LDLRAD4: variants seen among roughly 807,000 people sequenced by gnomAD.
LDLRAD4 encodes low-density lipoprotein receptor class A domain-containing protein 4.
LDLRAD4 carries 5 observed loss-of-function variants against 17.0 expected under a neutral mutation model. The observed-to-expected ratio is 0.29, with a 90% confidence interval of 0.15 to 0.62. LDLRAD4 has a LOEUF of 0.62. LDLRAD4 is among the 20% of genes least tolerant of loss of function. The probability of loss-of-function intolerance (pLI) is 0.84; values close to 1 mark genes in which losing one functional copy is unlikely to be tolerated. For missense variants in LDLRAD4, 340 were observed against 424.7 expected (o/e 0.80, Z 1.75); for synonymous variants, 168 against 171.8 (o/e 0.98, Z 0.17).
At chr18:13,268,345 A>T (rs2044338311) in intron 1 of LDLRAD4, among the ~76,000 whole-genome samples, 1 of 152,024 alleles carries the variant, frequency 6.6e-6, no homozygotes. Context: ...GTTTCATCTG[A>T]GCATCTGAAA....
intron 4 of LDLRAD4, among the ~76,000 whole-genome samples, chr18:13,634,299 A>C (rs550444678): frequency 6.6e-6 from 1 of 152,254 alleles, no homozygotes; most frequent in Admixed American, 6.5e-5. Context: ...ACATGACCTT[A>C]TGTGTAAAAA....
intron 5 of LDLRAD4, among the ~76,000 whole-genome samples, chr18:13,643,986 T>C (rs1262191158): frequency 6.6e-6 from 1 of 152,176 alleles, no homozygotes; most frequent in African/African-American, 2.4e-5. Context: ...TGAGAAGATT[T>C]TGTAAGAAAT....
chr18:13,449,601 G>A (rs550653231), intron 3 of LDLRAD4, among the ~76,000 whole-genome samples: 48 of 152,342 alleles, frequency 3.2e-4, no homozygotes, highest in African/African-American at 1.1e-3. Flanking sequence ...CACCTGTTCC[G>A]GAGAGGGCCC....
At chr18:13,365,202 C>T (rs2083966783) in intron 1 of LDLRAD4, among the ~76,000 whole-genome samples, 1 of 152,212 alleles carries the variant, frequency 6.6e-6, no homozygotes, top group African/African-American at 2.4e-5. Flanking sequence ...TCCTGTATGG[C>T]TACACCGTCC....
intron 1 of LDLRAD4, among the ~76,000 whole-genome samples, chr18:13,345,911 G>A (rs1299718435): frequency 6.6e-6 from 1 of 152,098 alleles, no homozygotes; most frequent in Non-Finnish European, 1.5e-5. Flanking sequence ...ATTTCTGGGG[G>A]TTCAATGGTG....
chr18:13,276,515 C>G (rs2044876077), upstream of LDLRAD4, among the ~76,000 whole-genome samples: 1 of 152,320 alleles, frequency 6.6e-6, no homozygotes, highest in Non-Finnish European at 1.5e-5. Flanking sequence ...AAGAATCCAC[C>G]TCCAGGCTCA....
rs76796843 is a variant in LDLRAD4 at position 13,582,120 on chromosome 18, A to G, written c.182-38997A>G. Among the ~76,000 whole-genome samples the G allele has an allele frequency of 0.02, 3,083 of 152,284 alleles. 269 individuals are homozygous for G. The East Asian group carries it at 0.26, about 13-fold the overall frequency. On this transcript the variant is annotated intron_variant, in intron 3 of 5. Coordinates refer to ENST00000359446, the Ensembl canonical transcript of LDLRAD4. ...ATCAAGTGACATTACCCCACCCAGC[A>G]TCAATATTTTCTACTAAAATGGGCA...
At chr18:13,471,991 C>T (rs1424575770) in intron 3 of LDLRAD4, 1 of 152,262 alleles carries the variant, frequency 6.6e-6, no homozygotes, top group African/African-American at 2.4e-5. Context: ...AACACGATTT[C>T]CACCTTCTGT....
chr18:13,500,199 G>T (rs2093588611), intron 3 of LDLRAD4, among the ~76,000 whole-genome samples: 1 of 152,218 alleles, frequency 6.6e-6, no homozygotes, highest in African/African-American at 2.4e-5. Flanking sequence ...TCACTGTGCA[G>T]ACCCTCTCAG....
At chr18:13,581,009 T>G (rs538871596) in intron 3 of LDLRAD4, among the ~76,000 whole-genome samples, 1 of 152,246 alleles carries the variant, frequency 6.6e-6, no homozygotes, top group Non-Finnish European at 1.5e-5. Flanking sequence ...AGAAGTGTTT[T>G]GGATTTTGCA....
chr18:13,444,794 A>C (rs886870865), intron 3 of LDLRAD4, among the ~76,000 whole-genome samples: 3 of 152,026 alleles, frequency 2.0e-5, no homozygotes, highest in Non-Finnish European at 2.9e-5. Context: ...TGTAGGGATG[A>C]ATATTATTAT....
chr18:13,555,405 C>G (rs900840556), intron 3 of LDLRAD4, among the ~76,000 whole-genome samples: 1 of 152,082 alleles, frequency 6.6e-6, no homozygotes, highest in Admixed American at 6.5e-5. Context: ...CACAGCCTAC[C>G]TTCTCCCTCC....
chr18:13,508,610 G>C (rs1198558681), intron 3 of LDLRAD4, among the ~76,000 whole-genome samples: 1 of 152,136 alleles, frequency 6.6e-6, no homozygotes, highest in Non-Finnish European at 1.5e-5. Context: ...TCTAGAAATA[G>C]AACAACAAAA....
At chr18:13,252,885 T>C (rs1347594265) in intron 1 of LDLRAD4, among the ~76,000 whole-genome samples, 1 of 152,252 alleles carries the variant, frequency 6.6e-6, no homozygotes, top group Non-Finnish European at 1.5e-5. Context: ...CCTTGTAGTC[T>C]CGTTAGGCTT....
chr18:13,622,459 G>A lies in LDLRAD4; in HGVS notation c.336+1188G>A, dbSNP rs985837652. ...GGGAAGACGTGCACCCTTGACAGCC[G>A]TTTCCTCCTCTTGCCCCCTGCATCC... On this transcript the variant is annotated intron_variant, in intron 4 of 5. Transcript: ENST00000359446. This position sits in a 1 kb window ranked among gnomAD's most constrained non-coding sequence, Gnocchi z 5.3. 4.6e-5 allele frequency among the ~76,000 whole-genome samples: 7 copies of A among 152,130 alleles called. No individual in the cohort carries two copies. The highest frequency in any genetic ancestry group is 8.8e-5 in the Non-Finnish European group (6 of 68,014).
intron 3 of LDLRAD4, among the ~76,000 whole-genome samples, chr18:13,502,846 A>G (rs74714630): frequency 0.032 from 4,804 of 152,198 alleles, 108 homozygotes; most frequent in Non-Finnish European, 0.045. Context: ...CCGTCTGGTC[A>G]CTCCTGAAGC....
chr18:13,521,860 C>T (rs1366657238), intron 3 of LDLRAD4: 1 of 146,422 alleles, frequency 6.8e-6, no homozygotes, highest in Non-Finnish European at 1.5e-5. Flanking sequence ...AATCTAGTAG[C>T]CGTCTCTGTT....
rs145780196 is a variant in LDLRAD4 at position 13,446,616 on chromosome 18, C to G, written c.181+8232C>G. ...GATTGTGTCCTGTCCAGGTAGTACT[C>G]GTATGACCCAGAAGCCAGCTCTCCT... On this transcript the variant is annotated intron_variant, in intron 3 of 5. Transcript: ENST00000359446. Among the ~76,000 whole-genome samples, 357 of 152,344 alleles carry G rather than the reference C, an allele frequency of 2.3e-3. 4 individuals carry two copies. Among genetic ancestry groups the G allele is most frequent in the African/African-American group, 8.3e-3 (343 of 41,574 alleles).
intron 3 of LDLRAD4, among the ~76,000 whole-genome samples, chr18:13,591,416 ATGTGTGTGTGTGTGTCTGTGTG>A (rs1418502778): frequency 2.2e-5 from 3 of 138,380 alleles, no homozygotes; most frequent in African/African-American, 8.1e-5. Flanking sequence ...ATGTGTGTGT[ATGTGTGTGTGTGTGTCTGTGTG>A]TGTGTGTGTG....
Sources: allele counts gnomAD v4.1 joint callset (sites outside exome capture counted in the v4.1 genomes callset), GRCh38; gene constraint gnomAD v4.1.1; non-coding constraint Gnocchi (gnomAD v3.1); transcripts MANE v1.5; gene names NCBI Gene and HGNC (gene_info 2026-07-23, HGNC 2026-07-21).